The following EIF4A3 variants were observed in gnomAD, a reference collection of about 807,000 sequenced individuals.
The protein encoded by EIF4A3 is eukaryotic initiation factor 4A-III.
In EIF4A3, 1 loss-of-function variant was observed where a neutral mutation model predicts 55.6. The ratio of observed to expected loss-of-function variants is 0.02; its 90% confidence interval spans 0.01 to 0.09. EIF4A3 has a LOEUF of 0.09. Ranked by LOEUF, EIF4A3 falls within the 10% of genes least tolerant of loss-of-function variation. The probability of loss-of-function intolerance (pLI) is 1.00; values close to 1 mark genes in which losing one functional copy is unlikely to be tolerated. For synonymous variants in EIF4A3, 194 were observed against 196.3 expected (o/e 0.99, Z 0.10); for missense variants, 221 against 540.7 (o/e 0.41, Z 5.86).
At chr17:80,140,316 T>A (rs2039607212) in intron 4 of EIF4A3, 176 bp from the exon 5 acceptor site, 6 of 360,360 alleles carry the variant, frequency 1.7e-5, no homozygotes, top group African/African-American at 3.6e-5. Context: ...AATTTTGCTT[T>A]TTTTTTTTTT....
At chr17:80,141,935 T>A in intron 2 of EIF4A3, 87 bp from the exon 3 acceptor site, 1 of 1,071,652 alleles carries the variant, frequency 9.3e-7, no homozygotes, top group Non-Finnish European at 1.4e-6. Context: ...CAGAGGCACT[T>A]AGGTACCTTC....
intron 9 of EIF4A3, chr17:80,136,584 T>C (rs963846548): frequency 3.8e-6 from 2 of 522,772 alleles, no homozygotes; most frequent in Non-Finnish European, 6.7e-6. Flanking sequence ...TAGACATCTT[T>C]TACTAGACTA....
chr17:80,144,120 T>C (rs1369706009), intron 2 of EIF4A3, 52 bp downstream of exon 2: 5 of 1,571,548 alleles, frequency 3.2e-6, no homozygotes, highest in Admixed American at 1.7e-5. Flanking sequence ...CTAACTGCAC[T>C]GCGCTGCCCA....
At position 80,135,483 on chromosome 17, in the gene EIF4A3, T is replaced by C. The variant is rs2039562998; in HGVS notation, c.*7A>G. 1 of 1,557,616 alleles carries C rather than the reference T, an allele frequency of 6.4e-7. No individual in the cohort carries two copies. On this transcript the variant is annotated 3_prime_UTR_variant, in exon 12 of 12. Coordinates refer to ENST00000649764, the MANE Select transcript of EIF4A3 (RefSeq NM_014740.4). The stretch of plus-strand genomic sequence containing the variant: ...AACAGTCTCCCTCATCCCACTGATC[T>C]GCTGCTTCAGATAAGATCAGCAACT...
At chr17:80,137,335 GAC>G (rs760485715) in intron 9 of EIF4A3, 49 bp downstream of exon 9, 23 of 1,533,818 alleles carry the variant, frequency 1.5e-5, no homozygotes, top group Non-Finnish European at 1.9e-5. Context: ...GAAGTGCTTA[GAC>G]ACAGTCTAGC....
At chr17:80,136,523 C>T in intron 9 of EIF4A3, 188 bp from the exon 10 acceptor site, 2 of 578,604 alleles carry the variant, frequency 3.5e-6, no homozygotes, top group Non-Finnish European at 6.1e-6. Context: ...TGCAGAGGGG[C>T]TGTTGGTGGA....
intron 9 of EIF4A3, chr17:80,136,810 G>A (rs373221713): frequency 4.8e-4 from 63 of 132,624 alleles, no homozygotes; most frequent in South Asian, 9.7e-4. Context: ...TACTAAAAAT[G>A]AAAAAAAAAA....
intron 2 of EIF4A3, among the ~76,000 whole-genome samples, chr17:80,142,245 A>G (rs1478725079): frequency 2.0e-5 from 3 of 152,228 alleles, no homozygotes; most frequent in East Asian, 1.9e-4. Flanking sequence ...GAATAAAGCT[A>G]TTAAAAGAGG....
intron 8 of EIF4A3, 158 bp from the exon 9 acceptor site, chr17:80,137,659 TC>T: frequency 1.6e-6 from 1 of 621,046 alleles, no homozygotes; most frequent in Non-Finnish European, 2.8e-6. Flanking sequence ...AAAAACTTTT[TC>T]CCAGAAAATG....
intron 6 of EIF4A3, chr17:80,139,429 C>T (rs934644728): frequency 4.0e-5 from 24 of 606,440 alleles, no homozygotes; most frequent in Non-Finnish European, 6.7e-5. Flanking sequence ...AGAAACCCAC[C>T]CCGAGAGTCC....
chr17:80,141,649 CTG>C (rs1209559334), intron 3 of EIF4A3, 131 bp downstream of exon 3: 15 of 848,044 alleles, frequency 1.8e-5, no homozygotes, highest in Middle Eastern at 2.4e-4. Context: ...AACTAAGACT[CTG>C]TGTAAAAATT....
At chr17:80,141,609 G>A (rs539745164) in intron 3 of EIF4A3, 173 bp downstream of exon 3, 3 of 732,194 alleles carry the variant, frequency 4.1e-6, no homozygotes, top group Admixed American at 2.8e-5. Flanking sequence ...AGAAAATCAT[G>A]ACAGAATATT....
At position 80,135,475 on chromosome 17, in the gene EIF4A3, C is replaced by A. The variant is rs2143980660; in HGVS notation, c.*15G>T. 6.4e-7 allele frequency: 1 copy of A among 1,556,472 alleles called. No individual in the cohort carries two copies. Among genetic ancestry groups the A allele is most frequent in the East Asian group, 2.4e-5 (1 of 41,754 alleles). On this transcript the variant is annotated 3_prime_UTR_variant, in exon 12 of 12. Coordinates refer to ENST00000649764, the MANE Select transcript of EIF4A3 (RefSeq NM_014740.4). Reference sequence around the variant, plus strand: ...AGCAGGTGAACAGTCTCCCTCATCCCACTGATCTGCTGCTTCAGATAAGAT... The same window carrying A: ...AGCAGGTGAACAGTCTCCCTCATCCAACTGATCTGCTGCTTCAGATAAGAT...
At chr17:80,144,951 C>G (rs1455310598) in intron 1 of EIF4A3, among the ~76,000 whole-genome samples, 1 of 152,204 alleles carries the variant, frequency 6.6e-6, no homozygotes, top group African/African-American at 2.4e-5. Flanking sequence ...TACAAAAACT[C>G]TATTTCAATT....
At position 80,137,552 on chromosome 17, in the gene EIF4A3, G is replaced by A. The variant is rs934149294; in HGVS notation, c.868-51C>T. On this transcript the variant is annotated intron_variant, in intron 8 of 11. Transcript: ENST00000649764. ...CTGCAAGCTAGTATACCAAAGCAGAGATGTGCATTCGGGACTTTACCGCAT... is the reference window on the plus strand; with the variant it reads ...CTGCAAGCTAGTATACCAAAGCAGAAATGTGCATTCGGGACTTTACCGCAT... 34 of 1,459,686 alleles carry A rather than the reference G, an allele frequency of 2.3e-5. No individual in the cohort carries two copies. In the Middle Eastern group the frequency reaches 1.0e-3, roughly 45 times the overall value. 90.4% of individuals were successfully genotyped at this position (1,459,686 alleles called of 1,614,324 possible).
chr17:80,141,310 C>A lies in EIF4A3; in HGVS notation c.372+9G>T. 1.2e-6 allele frequency: 2 copies of A among 1,610,870 alleles called. No individual in the cohort carries two copies. The highest frequency in any genetic ancestry group is 1.7e-6 in the Non-Finnish European group (2 of 1,177,404). On this transcript the variant is annotated intron_variant, in intron 4 of 11. Transcript: ENST00000649764. Reference sequence around the variant, plus strand: ...GTTAATCGGACACCGCTATCTTTAGCCATCTCACCTTCTGGATCTGCACAG... The same window carrying A: ...GTTAATCGGACACCGCTATCTTTAGACATCTCACCTTCTGGATCTGCACAG...
In EIF4A3 at chr17:80,135,381, TGAG is replaced by T. The variant is rs1298511909; in HGVS notation, c.*106_*108del. On this transcript the variant is annotated 3_prime_UTR_variant, in exon 12 of 12. Coordinates refer to ENST00000649764, the MANE Select transcript of EIF4A3 (RefSeq NM_014740.4). Reference sequence around the variant, plus strand: ...AGGAAGGGAGACGGCAGGCCATTTATGAGAAGAAAGTCCATATAAACCCCATTA... The same window carrying T: ...AGGAAGGGAGACGGCAGGCCATTTATAAGAAAGTCCATATAAACCCCATTA... 3 of 1,314,964 alleles carry T rather than the reference TGAG, an allele frequency of 2.3e-6. No individual in the cohort carries two copies. Among genetic ancestry groups the T allele is most frequent in the Non-Finnish European group, 3.1e-6 (3 of 979,884 alleles). The allele number at this position is 1,314,964 out of a possible 1,614,324, so 81.5% of individuals were successfully genotyped here. A position where few individuals can be genotyped will look rare whatever the true frequency, so the allele number is the denominator to read the frequency against.
intron 9 of EIF4A3, 160 bp downstream of exon 9, chr17:80,137,226 C>T: frequency 1.7e-6 from 1 of 581,346 alleles, no homozygotes; most frequent in South Asian, 2.5e-5. Flanking sequence ...GCGGACCCCT[C>T]CTTAACTGGA....
At chr17:80,147,119 ACCTCGCTGTGCCGCTGCCG>A (rs2039676369) in exon 1 of EIF4A3, 1 of 1,156,700 alleles carries the variant, frequency 8.6e-7, no homozygotes, top group Non-Finnish European at 1.1e-6. Flanking sequence ...GCCGCTGCCG[ACCTCGCTGTGCCGCTGCCG>A]AGAACAGACG....
Sources: gnomAD v4.1 joint callset for allele counts (sites outside exome capture counted in the v4.1 genomes callset) on GRCh38, gnomAD v4.1.1 for gene constraint, MANE v1.5 for transcripts, NCBI Gene and HGNC (gene_info 2026-07-23, HGNC 2026-07-21) for gene names.